MAD2L1BP: variants seen among roughly 807,000 people sequenced by gnomAD.
MAD2L1BP encodes the protein MAD2L1-binding protein.
MAD2L1BP carries 22 observed loss-of-function variants against 28.4 expected under a neutral mutation model. The ratio of observed to expected loss-of-function variants is 0.77; its 90% CI spans 0.55 to 1.10. MAD2L1BP has a LOEUF of 1.10. Among genes scored for constraint, MAD2L1BP ranks in the 50% least tolerant of loss-of-function variants. MAD2L1BP has a pLI of 0.00. For missense variants in MAD2L1BP, 325 were observed against 350.5 expected (o/e 0.93, Z 0.58); for synonymous variants, 146 against 133.7 (o/e 1.09, Z -0.63).
chr6:43,638,807 A>G (rs962481900), intron 2 of MAD2L1BP, among the ~76,000 whole-genome samples: 7 of 152,124 alleles, frequency 4.6e-5, no homozygotes, highest in South Asian at 4.1e-4. Context: ...AAAAAAAAAA[A>G]AAGAATAAAT....
intron 2 of MAD2L1BP, among the ~76,000 whole-genome samples, chr6:43,638,922 T>C (rs1204346430): frequency 6.6e-6 from 1 of 152,184 alleles, no homozygotes; most frequent in Non-Finnish European, 1.5e-5. Flanking sequence ...TTGGAAAGTC[T>C]TCCCTCTGGA....
chr6:43,629,851 C>G (rs1242722452), intron 1 of MAD2L1BP: 1 of 1,470,208 alleles, frequency 6.8e-7, no homozygotes, highest in African/African-American at 1.4e-5. Context: ...ATTATGCTAC[C>G]TTTACATAGT....
upstream of MAD2L1BP, among the ~76,000 whole-genome samples, chr6:43,631,892 T>A (rs1413322213): frequency 6.6e-6 from 1 of 151,970 alleles, no homozygotes; most frequent in East Asian, 1.9e-4. Flanking sequence ...AGTCCAGAAG[T>A]TGTTGTTGTT....
At chr6:43,636,123 G>C (rs1158202957) in intron 1 of MAD2L1BP, among the ~76,000 whole-genome samples, 1 of 152,136 alleles carries the variant, frequency 6.6e-6, no homozygotes, top group Non-Finnish European at 1.5e-5. Flanking sequence ...CATTTCCCCA[G>C]ATCAAGTCCC....
In MAD2L1BP at chr6:43,640,203, T is replaced by G. The variant is rs1211856695; in HGVS notation, c.495T>G (p.Tyr165Ter). Residue 165 changes from tyrosine to a stop codon, truncating the protein, a stop_gained, in exon 3 of 3, where the codon TAT becomes TAG. Coordinates refer to ENST00000372171, the MANE Select transcript of MAD2L1BP (RefSeq NM_014628.3). LOFTEE classifies it high-confidence loss of function. ...ATGCCCTAAGCCCCAAGGAGTTCTATGAACTCGACTTGTCTCTGCTGGCCC... is the reference window on the plus strand; with the variant it reads ...ATGCCCTAAGCCCCAAGGAGTTCTAGGAACTCGACTTGTCTCTGCTGGCCC... ...GGNALSPKEF[Y>*]ELDLSLLAPY... 1.9e-6 allele frequency: 3 copies of G among 1,613,950 alleles called. No homozygotes were observed. The highest frequency in any genetic ancestry group is 1.3e-5 in the African/African-American group (1 of 75,042).
intron 2 of MAD2L1BP, among the ~76,000 whole-genome samples, chr6:43,637,496 G>A (rs999392467): frequency 3.3e-5 from 5 of 149,480 alleles, no homozygotes; most frequent in African/African-American, 1.2e-4. Flanking sequence ...CATGATCGCA[G>A]CTCACTGCAA....
upstream of MAD2L1BP, chr6:43,633,237 A>G (rs558175241): frequency 2.2e-5 from 9 of 415,050 alleles, no homozygotes; most frequent in South Asian, 1.4e-4. Context: ...CAATGGCATG[A>G]CCTCAGCTCA....
upstream of MAD2L1BP, among the ~76,000 whole-genome samples, chr6:43,630,927 A>AAAG (rs1321289121): frequency 2.0e-5 from 3 of 151,378 alleles, no homozygotes; most frequent in African/African-American, 7.3e-5. Context: ...AAAAAAAAAA[A>AAAG]AAAAGAAAGA....
chr6:43,635,934 G>A lies in MAD2L1BP; in HGVS notation c.46+13G>A. 2 of 1,524,864 alleles carry A rather than the reference G, an allele frequency of 1.3e-6. No individual in the cohort carries two copies. Among genetic ancestry groups the A allele is most frequent in the Admixed American group, 2.3e-5 (1 of 43,004 alleles). 94.5% of individuals were successfully genotyped at this position (1,524,864 alleles called of 1,614,324 possible). ...GCCGCAGTCCCTGGTAAGGCGTGGG[G>A]CCAAGAGTTTGGGGAGCCTTGGGGA... is the stretch of plus-strand genomic sequence containing the variant. On this transcript the variant is annotated intron_variant, in intron 1 of 2. Transcript: ENST00000372171.
At position 43,636,621 on chromosome 6, in the gene MAD2L1BP, A is replaced by T; in HGVS notation, c.287A>T (p.His96Leu). ...QLPLPYEQLKHFYRKPSPQAE... is the reference protein window; with the variant it reads ...QLPLPYEQLKLFYRKPSPQAE... Reference sequence around the variant, plus strand: ...CCTCTGCCCTATGAACAGCTTAAGCACTTTTACCGAAAACCTTCTCCCCAG... The same window carrying T: ...CCTCTGCCCTATGAACAGCTTAAGCTCTTTTACCGAAAACCTTCTCCCCAG... The change falls in exon 2 of 3, where the codon CAC (histidine) becomes CTC (leucine). Residue 96 changes from histidine (H) to leucine (L), a missense_variant. Transcript: ENST00000372171. The T allele has an allele frequency of 1.2e-6, 2 of 1,613,302 alleles. No homozygotes were observed. The highest frequency in any genetic ancestry group is 1.7e-6 in the Non-Finnish European group (2 of 1,179,238).
rs753116064 is a variant in MAD2L1BP, at chr6:43,636,363, CCT to C, written c.47-15_47-14del. 6.2e-6 allele frequency: 10 copies of C among 1,612,094 alleles called. No homozygotes were observed. The highest frequency in any genetic ancestry group is 8.5e-6 in the Non-Finnish European group (10 of 1,178,824). ...AGGTTTTTAATTTTTCTCTCTTGTC[CCT>C]CTTTTCATCTACCAGATTTGGAGTG... is the stretch of plus-strand genomic sequence containing the variant. On this transcript the variant is annotated splice_polypyrimidine_tract_variant and intron_variant, in intron 1 of 2. Transcript: ENST00000372171.
chr6:43,634,134 T>A (rs540066404), upstream of MAD2L1BP, among the ~76,000 whole-genome samples: 1 of 152,248 alleles, frequency 6.6e-6, no homozygotes, highest in South Asian at 2.1e-4. Flanking sequence ...GAACTCATCT[T>A]TTCTCCTACT....
At chr6:43,635,564 C>T (rs1045660274), upstream of MAD2L1BP, among the ~76,000 whole-genome samples, 5 of 152,200 alleles carry the variant, frequency 3.3e-5, no homozygotes, top group African/African-American at 9.7e-5. Flanking sequence ...GGGCCTGGCA[C>T]GAAGTAGGTG....
chr6:43,637,749 C>G (rs1689685417), intron 2 of MAD2L1BP, among the ~76,000 whole-genome samples: 5 of 152,060 alleles, frequency 3.3e-5, no homozygotes, highest in Non-Finnish European at 7.3e-5. Context: ...TAGGCATGCG[C>G]CACCATGTCC....
At chr6:43,630,245 A>G (rs965738350) in intron 1 of MAD2L1BP, among the ~76,000 whole-genome samples, 2 of 152,076 alleles carry the variant, frequency 1.3e-5, no homozygotes, top group African/African-American at 4.8e-5. Context: ...TGCACTCTAC[A>G]GAGTACATAC....
chr6:43,632,787 G>C (rs1199368363), upstream of MAD2L1BP, among the ~76,000 whole-genome samples: 1 of 151,440 alleles, frequency 6.6e-6, no homozygotes, highest in Non-Finnish European at 1.5e-5. Flanking sequence ...TTGGGAGGCT[G>C]AGGCAGGTGG....
In MAD2L1BP at chr6:43,629,597, A is replaced by G. The variant is rs1769766896; in HGVS notation, c.-153A>G. On this transcript the variant is annotated 5_prime_UTR_variant, in exon 1 of 4. Coordinates refer to the MAD2L1BP transcript ENST00000451025. ...GGACGCGAGGACACCAGCGTAGAAG[A>G]GCTTACATCAGAATCGAGCTTTGTG... The G allele has an allele frequency of 3.9e-6, 3 of 771,214 alleles. No homozygotes were observed. In the Admixed American group the frequency reaches 6.1e-5, roughly 16 times the overall value. 47.8% of individuals were successfully genotyped at this position (771,214 alleles called of 1,614,324 possible).
At chr6:43,631,364 G>T (rs1361386226), upstream of MAD2L1BP, among the ~76,000 whole-genome samples, 1 of 152,190 alleles carries the variant, frequency 6.6e-6, no homozygotes, top group Admixed American at 6.6e-5. Flanking sequence ...AGAATTGGAA[G>T]GAAGAGATAA....
chr6:43,640,339 A>G lies in MAD2L1BP; in HGVS notation c.631A>G (p.Thr211Ala). The stretch of plus-strand genomic sequence containing the variant: ...GCTTCAGGCTCCTCCACTCATGGGC[A>G]CCGTCGTCATGGCACAGGGACACCG... ...SELQAPPLMG[T>A]VVMAQGHRNC... Residue 211 changes from threonine to alanine, a missense_variant, in exon 3 of 3, where the codon ACC becomes GCC. By Grantham distance (58) the Thr-to-Ala change is moderately conservative. Coordinates refer to ENST00000372171, the MANE Select transcript of MAD2L1BP (RefSeq NM_014628.3). 2 of 1,613,858 alleles carry G rather than the reference A, an allele frequency of 1.2e-6. No individual in the cohort carries two copies. Among genetic ancestry groups the G allele is most frequent in the East Asian group, 2.2e-5 (1 of 44,880 alleles).
Sources: allele counts gnomAD v4.1 joint callset (sites outside exome capture counted in the v4.1 genomes callset), GRCh38; gene constraint gnomAD v4.1.1; transcripts MANE v1.5; gene names NCBI Gene and HGNC (gene_info 2026-07-23, HGNC 2026-07-21).